Variants in DLGAP1 observed in about 807,000 individuals in gnomAD.
The protein encoded by DLGAP1 is DLG associated protein 1.
A neutral mutation model predicts 90.8 loss-of-function variants in DLGAP1; 11 were observed. The observed-to-expected ratio is 0.12, with a 90% CI of 0.08 to 0.20. The LOEUF is 0.20. DLGAP1 is among the 10% of genes least tolerant of loss of function. The pLI, the probability that DLGAP1 is intolerant of heterozygous loss-of-function variation, is 1.00. For synonymous variants in DLGAP1, 558 were observed against 540.7 expected (o/e 1.03, Z -0.44); for missense variants, 1,050 against 1,333.8 (o/e 0.79, Z 3.31).
chr18:3,832,979 T>C (rs989102785), intron 4 of DLGAP1, among the ~76,000 whole-genome samples: 2 of 152,176 alleles, frequency 1.3e-5, no homozygotes, highest in African/African-American at 4.8e-5. Context: ...TTGACCTGCT[T>C]TCAGTTGTAA....
intron 10 of DLGAP1, among the ~76,000 whole-genome samples, chr18:3,530,247 T>A (rs2051903762): frequency 6.6e-6 from 1 of 151,924 alleles, no homozygotes; most frequent in African/African-American, 2.4e-5. Context: ...CTCTATAAAA[T>A]TTTTTAAAAA....
chr18:3,732,854 C>G (rs559124324), intron 6 of DLGAP1, among the ~76,000 whole-genome samples: 1 of 152,214 alleles, frequency 6.6e-6, no homozygotes, highest in East Asian at 1.9e-4. Flanking sequence ...AGAACACAAT[C>G]TGGGTACTAG....
intron 4 of DLGAP1, among the ~76,000 whole-genome samples, chr18:3,819,653 C>T (rs1457935681): frequency 1.3e-5 from 2 of 152,094 alleles, no homozygotes; most frequent in Admixed American, 6.6e-5. Flanking sequence ...AATATTATAA[C>T]CTCAGTTTGT....
At chr18:4,115,465 T>A (rs906876422) in intron 2 of DLGAP1, among the ~76,000 whole-genome samples, 1 of 137,472 alleles carries the variant, frequency 7.3e-6, no homozygotes, top group African/African-American at 3.2e-5. Flanking sequence ...TACCATCTAG[T>A]GTCATTTTCT....
intron 4 of DLGAP1, chr18:3,874,767 C>G: frequency 7.0e-7 from 1 of 1,426,608 alleles, no homozygotes; most frequent in Non-Finnish European, 9.2e-7. Context: ...TTCTAAACAG[C>G]AGACATCTGA....
chr18:4,236,569 A>C (rs2078420384), intron 1 of DLGAP1, among the ~76,000 whole-genome samples: 1 of 152,188 alleles, frequency 6.6e-6, no homozygotes, highest in South Asian at 2.1e-4. Flanking sequence ...CCTAATTTAC[A>C]AGCTGCACTT....
intron 2 of DLGAP1, among the ~76,000 whole-genome samples, chr18:4,125,195 C>T (rs900488713): frequency 5.9e-5 from 9 of 152,134 alleles, no homozygotes; most frequent in African/African-American, 2.2e-4. Context: ...AAGAGGGGTG[C>T]TTATGGGTGA....
intron 3 of DLGAP1, among the ~76,000 whole-genome samples, chr18:3,947,694 C>T (rs2072904081): frequency 6.6e-6 from 1 of 152,220 alleles, no homozygotes; most frequent in Non-Finnish European, 1.5e-5. Context: ...CTCATTTGGT[C>T]ACACTCCCCC....
chr18:4,359,371 A>T (rs897780090), intron 1 of DLGAP1, among the ~76,000 whole-genome samples: 3 of 152,208 alleles, frequency 2.0e-5, no homozygotes, highest in Non-Finnish European at 4.4e-5. Context: ...GAACGTCTTT[A>T]TCGCTGAAGA....
At position 4,383,575 on chromosome 18, in the gene DLGAP1, A is replaced by G. The variant is rs1463979099; in HGVS notation, c.-267+71431T>C. On this transcript the variant is annotated intron_variant, in intron 1 of 12. Coordinates refer to ENST00000315677, the MANE Select transcript of DLGAP1 (RefSeq NM_004746.4). The surrounding 1 kb of genome is among the most constrained non-coding windows in gnomAD (Gnocchi z 4.0). ...TGTATGCACTTAGACAAAACCGAGTATCCTTGCTCATTAAAAAAAAAGGGA... is the reference window on the plus strand; with the variant it reads ...TGTATGCACTTAGACAAAACCGAGTGTCCTTGCTCATTAAAAAAAAAGGGA... 1.3e-5 allele frequency among the ~76,000 whole-genome samples: 2 copies of G among 152,020 alleles called. No individual in the cohort carries two copies. Among genetic ancestry groups the G allele is most frequent in the African/African-American group, 4.8e-5 (2 of 41,410 alleles).
chr18:4,117,523 G>T (rs1179968060), intron 2 of DLGAP1, among the ~76,000 whole-genome samples: 1 of 152,154 alleles, frequency 6.6e-6, no homozygotes, highest in African/African-American at 2.4e-5. Context: ...ATATCTTTGA[G>T]CCTGGCTATG....
chr18:4,339,516 A>G (rs1406459597), intron 1 of DLGAP1, among the ~76,000 whole-genome samples: 1 of 152,198 alleles, frequency 6.6e-6, no homozygotes, highest in African/African-American at 2.4e-5. Context: ...TGTAAAAAAT[A>G]CAGTCTATAC....
At chr18:4,442,884 T>C (rs2083569845) in intron 1 of DLGAP1, among the ~76,000 whole-genome samples, 1 of 152,230 alleles carries the variant, frequency 6.6e-6, no homozygotes, top group African/African-American at 2.4e-5. Flanking sequence ...CATGCCTTTG[T>C]CTTCTGTTGA....
chr18:3,666,406 A>T (rs1451817019), intron 7 of DLGAP1, among the ~76,000 whole-genome samples: 2 of 152,140 alleles, frequency 1.3e-5, no homozygotes, highest in African/African-American at 4.8e-5. Context: ...GTTCTTAGTC[A>T]AAGCCAGACC....
chr18:3,602,550 G>A (rs1226741538), intron 7 of DLGAP1, among the ~76,000 whole-genome samples: 3 of 139,980 alleles, frequency 2.1e-5, no homozygotes, highest in Non-Finnish European at 3.0e-5. Flanking sequence ...AGCCGAGATC[G>A]CGCCACCGCA....
chr18:4,046,907 C>T (rs1598299851), intron 2 of DLGAP1, among the ~76,000 whole-genome samples: 5 of 152,284 alleles, frequency 3.3e-5, no homozygotes, highest in Admixed American at 3.3e-4. Context: ...ATAAAAGGTG[C>T]AAATCTGCAG....
At chr18:3,534,694 C>CTTTT (rs570549234) in intron 9 of DLGAP1, 79 bp from the exon 10 acceptor site, 17 of 1,000,220 alleles carry the variant, frequency 1.7e-5, no homozygotes, top group Admixed American at 3.6e-5. Context: ...TCCTTTCTTT[C>CTTTT]TTTTTTTTTT....
At chr18:3,709,714 C>T (rs1261740369) in intron 7 of DLGAP1, among the ~76,000 whole-genome samples, 1 of 152,172 alleles carries the variant, frequency 6.6e-6, no homozygotes, top group African/African-American at 2.4e-5. Flanking sequence ...TGAACCCCTC[C>T]AGGGCAGGCA....
intron 9 of DLGAP1, among the ~76,000 whole-genome samples, chr18:3,559,926 C>T (rs1404583384): frequency 1.3e-5 from 2 of 151,896 alleles, no homozygotes; most frequent in Non-Finnish European, 2.9e-5. Flanking sequence ...AGGCCCCAAT[C>T]CACTTTCATA....
Sources: allele counts gnomAD v4.1 joint callset (sites outside exome capture counted in the v4.1 genomes callset), GRCh38; gene constraint gnomAD v4.1.1; non-coding constraint Gnocchi (gnomAD v3.1); transcripts MANE v1.5; gene names NCBI Gene and HGNC (gene_info 2026-07-23, HGNC 2026-07-21).